Variants in POTEC observed in about 807,000 individuals in gnomAD.
POTEC encodes the protein ANKRD26-like family B member 2.
POTEC carries 35 observed loss-of-function variants against 62.0 expected under a neutral mutation model. The observed-to-expected ratio is 0.56, with a 90% CI of 0.43 to 0.75. The LOEUF (loss-of-function observed/expected upper bound fraction) is 0.75, where lower values mean the gene tolerates loss of function less well. POTEC is among the 30% of genes least tolerant of loss of function. POTEC has a pLI of 0.00. For missense variants in POTEC, 472 were observed against 655.9 expected (o/e 0.72, Z 3.06); for synonymous variants, 156 against 221.5 (o/e 0.70, Z 2.62).
chr18:14,530,402 C>A, intron 6 of POTEC, 81 bp downstream of exon 6: 1 of 1,590,824 alleles, frequency 6.3e-7, no homozygotes, highest in South Asian at 1.1e-5. Flanking sequence ...CATGGAAACA[C>A]TGTCTTCCAC....
chr18:14,511,064 G>GTACC lies in POTEC; in HGVS notation c.*830_*833dup, dbSNP rs1909993863. The GTACC allele has an allele frequency of 1.3e-5, 2 of 151,922 alleles. No individual in the cohort carries two copies. The highest frequency in any genetic ancestry group is 4.8e-5 in the African/African-American group (2 of 41,316). The allele number at this position is 151,922 out of a possible 1,614,324, so 9.4% of individuals were successfully genotyped here. A position where few individuals can be genotyped will look rare whatever the true frequency, so the allele number is the denominator to read the frequency against. Reference sequence around the variant, plus strand: ...CGCAGGGTGGCTGTTCTGTGCTGAGGTACCACTTCCACCCCTGGTCAGCTT... The same window carrying GTACC: ...CGCAGGGTGGCTGTTCTGTGCTGAGGTACCTACCACTTCCACCCCTGGTCAGCTT... On this transcript the variant is annotated 3_prime_UTR_variant, in exon 11 of 11. Transcript: ENST00000358970.
Position 14,539,601 on chromosome 18 carries a change from C to T in POTEC, c.522-1352G>A, listed in dbSNP as rs528839408. On this transcript the variant is annotated intron_variant, in intron 1 of 10. Coordinates refer to ENST00000358970, the MANE Select transcript of POTEC (RefSeq NM_001137671.2). ...ACACCATCCATGTCCCTGCAAAGGA[C>T]AGGCTCTTGTTCTTTCTTTTATGGC... Among the ~76,000 whole-genome samples, 686 of 150,616 alleles carry T rather than the reference C, an allele frequency of 4.6e-3. 7 individuals carry two copies. The highest frequency in any genetic ancestry group is 0.014 in the African/African-American group (588 of 40,838).
intron 3 of POTEC, among the ~76,000 whole-genome samples, chr18:14,535,547 T>A (rs1905684047): frequency 6.6e-6 from 1 of 151,650 alleles, no homozygotes; most frequent in Admixed American, 6.6e-5. Context: ...TTTTTCCAGA[T>A]TGTTAACTAG....
At chr18:14,525,997 G>A (rs907669479) in intron 6 of POTEC, among the ~76,000 whole-genome samples, 4 of 151,950 alleles carry the variant, frequency 2.6e-5, no homozygotes, top group African/African-American at 9.7e-5. Context: ...TGACTCCCTG[G>A]TTCAAATGAT....
Position 14,525,066 on chromosome 18 carries a change from A to C in POTEC, c.1127-83T>G, listed in dbSNP as rs1598479131. On this transcript the variant is annotated intron_variant, in intron 6 of 10. Coordinates refer to ENST00000358970, the MANE Select transcript of POTEC (RefSeq NM_001137671.2). The stretch of plus-strand genomic sequence containing the variant: ...TTGCCTTTATAAAAACAGATTGAAG[A>C]CAGCATTTTATTTTATTTCATAAAT... The C allele has an allele frequency of 3.2e-6, 5 of 1,546,234 alleles. No homozygotes were observed. The East Asian group carries it at 1.1e-4, about 35-fold the overall frequency.
At chr18:14,533,565 C>T (rs1028000466) in intron 4 of POTEC, among the ~76,000 whole-genome samples, 1 of 151,982 alleles carries the variant, frequency 6.6e-6, no homozygotes, top group African/African-American at 2.4e-5. Flanking sequence ...AGAAAATTAG[C>T]TAGGGGGTAA....
chr18:14,525,859 T>C (rs1910421444), intron 6 of POTEC, among the ~76,000 whole-genome samples: 1 of 152,160 alleles, frequency 6.6e-6, no homozygotes, highest in Non-Finnish European at 1.5e-5. Context: ...ACATCTAAAA[T>C]GTTTCCATCC....
chr18:14,521,845 G>A (rs542527326), intron 9 of POTEC, among the ~76,000 whole-genome samples: 112 of 152,110 alleles, frequency 7.4e-4, no homozygotes, highest in African/African-American at 2.7e-3. Context: ...CAGACACCAG[G>A]GTCTACTTGA....
At chr18:14,512,172 GA>G (rs1297079069) in intron 10 of POTEC, among the ~76,000 whole-genome samples, 179 bp from the exon 11 acceptor site, 1 of 151,636 alleles carries the variant, frequency 6.6e-6, no homozygotes, top group Non-Finnish European at 1.5e-5. Flanking sequence ...CCAAAAAGTT[GA>G]AATATTTATC....
chr18:14,528,993 C>T (rs1200496404), intron 6 of POTEC: 1 of 454,484 alleles, frequency 2.2e-6, no homozygotes, highest in Non-Finnish European at 4.4e-6. Context: ...CTGGCAAACA[C>T]ACAATCTTGT....
intron 4 of POTEC, among the ~76,000 whole-genome samples, chr18:14,533,456 T>TG (rs1905597685): frequency 6.6e-6 from 1 of 152,086 alleles, no homozygotes; most frequent in Non-Finnish European, 1.5e-5. Context: ...TTTAAAGTCC[T>TG]TTGATGGGCA....
At chr18:14,516,350 CTG>C (rs1464414384) in intron 9 of POTEC, among the ~76,000 whole-genome samples, 1 of 76,924 alleles carries the variant, frequency 1.3e-5, no homozygotes, top group Non-Finnish European at 2.3e-5. Flanking sequence ...ATACCTGAGA[CTG>C]GGTAATTCAT....
intron 5 of POTEC, chr18:14,531,876 T>G (rs1905529999): frequency 1.3e-5 from 2 of 152,026 alleles, no homozygotes; most frequent in African/African-American, 4.8e-5. Context: ...CTACTTGAGA[T>G]TCTGAGAATT....
chr18:14,537,009 C>T (rs541742779), intron 3 of POTEC, among the ~76,000 whole-genome samples: 2 of 151,632 alleles, frequency 1.3e-5, no homozygotes, highest in African/African-American at 2.4e-5. Context: ...CACTACATTA[C>T]CACATATTCA....
intron 5 of POTEC, among the ~76,000 whole-genome samples, chr18:14,530,955 TA>T (rs1158636432): frequency 6.6e-6 from 1 of 152,176 alleles, no homozygotes; most frequent in African/African-American, 2.4e-5. Flanking sequence ...TATAAAGATT[TA>T]ACAAGGTAAC....
chr18:14,540,044 T>C, intron 1 of POTEC, among the ~76,000 whole-genome samples: 1 of 151,998 alleles, frequency 6.6e-6, no homozygotes, highest in Non-Finnish European at 1.5e-5. Context: ...TAACGATCAT[T>C]TATATTTGCT....
chr18:14,541,344 TTATTA>T (rs1905925572), intron 1 of POTEC, among the ~76,000 whole-genome samples: 1 of 152,240 alleles, frequency 6.6e-6, no homozygotes, highest in South Asian at 2.1e-4. Context: ...TGAGCTTATT[TTATTA>T]TATCTGCATA....
intron 5 of POTEC, among the ~76,000 whole-genome samples, chr18:14,532,451 T>C (rs1451146194): frequency 6.6e-6 from 1 of 152,108 alleles, no homozygotes; most frequent in South Asian, 2.1e-4. Flanking sequence ...TGAATCCCCA[T>C]GAAGACTTGA....
chr18:14,543,571 G>A lies in POTEC; in HGVS notation c.-425C>T, dbSNP rs202020811. The A allele has an allele frequency of 1.1e-4, 33 of 306,074 alleles. 1 individual carries two copies. In the South Asian group the frequency reaches 1.1e-3, roughly 10 times the overall value. The allele number at this position is 306,074 out of a possible 1,614,324, so 19.0% of individuals were successfully genotyped here. ...CCAAGCGAGGAACGCAAAGCGAAGC[G>A]TACCCGTTACAGGTAAGCCAAGCCG... On this transcript the variant is annotated 5_prime_UTR_variant, in exon 1 of 11. In the 5' UTR this introduces an upstream ATG that the reference lacks. Transcript: ENST00000358970.
Sources: gnomAD v4.1 joint callset for allele counts (sites outside exome capture counted in the v4.1 genomes callset) on GRCh38, gnomAD v4.1.1 for gene constraint, MANE v1.5 for transcripts, NCBI Gene and HGNC (gene_info 2026-07-23, HGNC 2026-07-21) for gene names.